Variants in ARMC3 observed in about 807,000 individuals in gnomAD.
The protein encoded by ARMC3 is armadillo repeat-containing protein 3.
ARMC3 carries 74 observed loss-of-function variants against 90.3 expected under a neutral mutation model. The ratio of observed to expected loss-of-function variants is 0.82; its 90% CI spans 0.68 to 0.99. The LOEUF (loss-of-function observed/expected upper bound fraction) is 0.99. Among genes scored for constraint, ARMC3 ranks in the 50% least tolerant of loss-of-function variants. The pLI, the probability that ARMC3 is intolerant of heterozygous loss-of-function variation, is 0.00. For missense variants in ARMC3, 958 were observed against 1,042.8 expected (o/e 0.92, Z 1.12); for synonymous variants, 334 against 361.8 (o/e 0.92, Z 0.87).
intron 10 of ARMC3, among the ~76,000 whole-genome samples, chr10:22,993,395 T>C (rs1041437779): frequency 2.6e-5 from 4 of 152,212 alleles, no homozygotes; most frequent in African/African-American, 9.6e-5. Context: ...CACTGTATAA[T>C]TGGAGAAGCA....
At chr10:22,979,229 C>T (rs1298018283) in intron 8 of ARMC3, among the ~76,000 whole-genome samples, 3 of 152,138 alleles carry the variant, frequency 2.0e-5, no homozygotes, top group African/African-American at 7.2e-5. Flanking sequence ...GGACATTATG[C>T]TATTAGTAGC....
intron 16 of ARMC3, among the ~76,000 whole-genome samples, chr10:23,024,044 A>T (rs1389788385): frequency 6.6e-6 from 1 of 152,190 alleles, no homozygotes; most frequent in Non-Finnish European, 1.5e-5. Context: ...AAACAACACT[A>T]AGTTAATTAT....
chr10:22,967,409 A>G (rs1396458089), intron 7 of ARMC3, among the ~76,000 whole-genome samples: 1 of 152,184 alleles, frequency 6.6e-6, no homozygotes, highest in African/African-American at 2.4e-5. Context: ...GACAATAATG[A>G]GATCATACTT....
At chr10:22,975,189 G>C (rs963999466) in intron 8 of ARMC3, among the ~76,000 whole-genome samples, 1 of 152,124 alleles carries the variant, frequency 6.6e-6, no homozygotes, top group African/African-American at 2.4e-5. Flanking sequence ...GCATAGGTTT[G>C]TTGCCTTCAA....
At chr10:23,002,108 GAGGCACACTCTTT>G in intron 12 of ARMC3, 53 bp downstream of exon 12, 1 of 1,594,894 alleles carries the variant, frequency 6.3e-7, no homozygotes, top group Non-Finnish European at 8.5e-7. Context: ...AGAAGACGGA[GAGGCACACTCTTT>G]AGGCCCAAGG....
At chr10:22,928,294 C>A (rs752334709) in intron 1 of ARMC3, among the ~76,000 whole-genome samples, 188 bp downstream of exon 1, 10 of 152,170 alleles carry the variant, frequency 6.6e-5, no homozygotes, top group Non-Finnish European at 1.0e-4. Context: ...AAGCATCCCG[C>A]CACCTCCCAT....
At chr10:22,949,180 C>T (rs946855839) in intron 3 of ARMC3, among the ~76,000 whole-genome samples, 6 of 151,866 alleles carry the variant, frequency 4.0e-5, no homozygotes, top group African/African-American at 1.5e-4. Context: ...CTTAATTTGT[C>T]CCTGAAAAAA....
At chr10:23,021,186 A>G (rs1838498180) in intron 16 of ARMC3, among the ~76,000 whole-genome samples, 1 of 152,234 alleles carries the variant, frequency 6.6e-6, no homozygotes, top group African/African-American at 2.4e-5. Flanking sequence ...GTGTATACAT[A>G]CGACATTTTT....
chr10:23,030,579 C>A lies in ARMC3; in HGVS notation c.2046-17C>A. 1.2e-6 allele frequency: 2 copies of A among 1,602,220 alleles called. No homozygotes were observed. The highest frequency in any genetic ancestry group is 2.2e-5 in the South Asian group (2 of 89,736). On this transcript the variant is annotated splice_polypyrimidine_tract_variant and intron_variant, in intron 16 of 18. Transcript: ENST00000298032. ...AGCAGAAGATGTGATTTTGATTGCC[C>A]TTGTTTACTTTCAAAGGAAAAGCAA...
At chr10:22,943,627 G>T (rs1259645508) in intron 2 of ARMC3, among the ~76,000 whole-genome samples, 1 of 151,686 alleles carries the variant, frequency 6.6e-6, no homozygotes, top group South Asian at 2.1e-4. Context: ...ATCACTTCAG[G>T]AATCCTTTCT....
intron 6 of ARMC3, 124 bp from the exon 7 acceptor site, chr10:22,961,760 G>T: frequency 1.3e-6 from 1 of 740,868 alleles, no homozygotes; most frequent in Non-Finnish European, 2.1e-6. Flanking sequence ...TATTTTGGAA[G>T]GGAATCTGGA....
At chr10:23,024,634 T>C (rs751170571) in intron 16 of ARMC3, among the ~76,000 whole-genome samples, 11 of 152,190 alleles carry the variant, frequency 7.2e-5, no homozygotes, top group Non-Finnish European at 1.5e-4. Flanking sequence ...TGATAAGCCA[T>C]ATTTGTACAT....
chr10:22,987,559 A>G (rs1836505259), intron 10 of ARMC3, among the ~76,000 whole-genome samples: 1 of 152,246 alleles, frequency 6.6e-6, no homozygotes, highest in South Asian at 2.1e-4. Context: ...ATAAAATGCA[A>G]TGAACAAAAT....
At chr10:22,958,045 G>A (rs961917105) in intron 4 of ARMC3, among the ~76,000 whole-genome samples, 6 of 152,104 alleles carry the variant, frequency 3.9e-5, no homozygotes, top group Non-Finnish European at 7.3e-5. Flanking sequence ...CTGGGTGACA[G>A]AGCGAAACCC....
intron 3 of ARMC3, among the ~76,000 whole-genome samples, chr10:22,952,352 G>A (rs1234924426): frequency 6.6e-6 from 1 of 152,086 alleles, no homozygotes; most frequent in Non-Finnish European, 1.5e-5. Flanking sequence ...TGGGAGAAGG[G>A]ACATCACTAG....
intron 16 of ARMC3, among the ~76,000 whole-genome samples, chr10:23,024,733 A>G (rs184473541): frequency 1.3e-5 from 2 of 152,292 alleles, no homozygotes; most frequent in Admixed American, 1.3e-4. Context: ...CCTAAAAACA[A>G]TGTTCAAGTA....
Position 22,957,373 on chromosome 10 carries a change from G to A in ARMC3, c.292+1441G>A, listed in dbSNP as rs181861085. Among the ~76,000 whole-genome samples the A allele has an allele frequency of 6.1e-4, 93 of 152,244 alleles. 3 individuals are homozygous for A. The highest frequency in any genetic ancestry group is 3.4e-4 in the Non-Finnish European group (23 of 68,026). On this transcript the variant is annotated intron_variant, in intron 4 of 18. Coordinates refer to ENST00000298032, the MANE Select transcript of ARMC3 (RefSeq NM_173081.5). ...CCTCAGCTACAGAGACTGCACTTGC[G>A]GGCAGCTGCAGTGCTGGAAGCAGAT...
At chr10:22,956,795 A>G (rs1414834415) in intron 4 of ARMC3, among the ~76,000 whole-genome samples, 1 of 148,310 alleles carries the variant, frequency 6.7e-6, no homozygotes, top group Non-Finnish European at 1.5e-5. Flanking sequence ...TTAGTATGAT[A>G]TATTAATATG....
chr10:22,990,504 T>C (rs1374890562), intron 10 of ARMC3, among the ~76,000 whole-genome samples: 1 of 152,224 alleles, frequency 6.6e-6, no homozygotes, highest in South Asian at 2.1e-4. Flanking sequence ...AGGATGATGA[T>C]GTTGTTGAAA....
Sources: allele counts gnomAD v4.1 joint callset (sites outside exome capture counted in the v4.1 genomes callset), GRCh38; gene constraint gnomAD v4.1.1; transcripts MANE v1.5; gene names NCBI Gene and HGNC (gene_info 2026-07-23, HGNC 2026-07-21).